Variants in ASPH observed in about 807,000 individuals in gnomAD.
ASPH encodes aspartyl/asparaginyl beta-hydroxylase.
In ASPH, 100 loss-of-function variants were observed where a neutral mutation model predicts 118.4. The ratio of observed to expected loss-of-function variants is 0.84; its 90% CI spans 0.72 to 1.00. The LOEUF is 1.00. Ranked by LOEUF, ASPH falls within the 50% of genes least tolerant of loss-of-function variation. The pLI is 0.00. For synonymous variants in ASPH, 315 were observed against 325.6 expected (o/e 0.97, Z 0.35); for missense variants, 920 against 919.5 (o/e 1.00, Z -0.01).
chr8:61,526,864 G>C (rs1409774217), intron 21 of ASPH, among the ~76,000 whole-genome samples: 1 of 152,098 alleles, frequency 6.6e-6, no homozygotes, highest in Non-Finnish European at 1.5e-5. Context: ...AGTAGGGTGG[G>C]TAGGGGAGAA....
At chr8:61,520,792 C>T (rs151069349) in intron 22 of ASPH, among the ~76,000 whole-genome samples, 1 of 152,238 alleles carries the variant, frequency 6.6e-6, no homozygotes, top group African/African-American at 2.4e-5. Flanking sequence ...CCATAGGTGG[C>T]CTGGAGTTCT....
At chr8:61,513,613 A>G (rs1809709468) in intron 24 of ASPH, among the ~76,000 whole-genome samples, 1 of 152,200 alleles carries the variant, frequency 6.6e-6, no homozygotes, top group South Asian at 2.1e-4. Context: ...CTGGCCCAAC[A>G]ATAGGCAGGT....
intron 14 of ASPH, among the ~76,000 whole-genome samples, chr8:61,616,151 G>A (rs1848943054): frequency 6.6e-6 from 1 of 152,166 alleles, no homozygotes; most frequent in East Asian, 1.9e-4. Flanking sequence ...TGACAAACCA[G>A]TCAACAGAAG....
At chr8:61,602,125 A>G (rs1249707393) in intron 14 of ASPH, among the ~76,000 whole-genome samples, 1 of 151,340 alleles carries the variant, frequency 6.6e-6, no homozygotes, top group Non-Finnish European at 1.5e-5. Flanking sequence ...ATTATTATGA[A>G]ACCAAAATCA....
At chr8:61,582,983 G>C (rs888404456) in intron 15 of ASPH, 19 of 152,084 alleles carry the variant, frequency 1.2e-4, no homozygotes. Context: ...CAAGGTAAGG[G>C]AACGAATAAC....
At position 61,503,357 on chromosome 8, in the gene ASPH, T is replaced by C; in HGVS notation, c.*2A>G. The C allele has an allele frequency of 6.2e-7, 1 of 1,601,918 alleles. No individual in the cohort carries two copies. Among genetic ancestry groups the C allele is most frequent in the Non-Finnish European group, 8.5e-7 (1 of 1,172,708 alleles). ...AGTTTCCCAAGCTTGCATGAATTCATGCTAAATTGCTGGAAGGCTGCGTCT... is the reference window on the plus strand; with the variant it reads ...AGTTTCCCAAGCTTGCATGAATTCACGCTAAATTGCTGGAAGGCTGCGTCT... On this transcript the variant is annotated 3_prime_UTR_variant, in exon 25 of 25. Transcript: ENST00000379454.
intron 3 of ASPH, chr8:61,659,404 G>T (rs1042347582): frequency 4.1e-4 from 62 of 152,182 alleles, no homozygotes; most frequent in African/African-American, 1.5e-3. Flanking sequence ...GGACACAAGA[G>T]AAGTGATACA....
intron 21 of ASPH, among the ~76,000 whole-genome samples, chr8:61,534,041 G>A (rs1489342080): frequency 2.0e-5 from 3 of 152,164 alleles, no homozygotes; most frequent in African/African-American, 4.8e-5. Flanking sequence ...TCTGCCTCCC[G>A]GGATCAAGTA....
At chr8:61,594,037 A>G (rs1841898566) in intron 14 of ASPH, among the ~76,000 whole-genome samples, 1 of 152,248 alleles carries the variant, frequency 6.6e-6, no homozygotes, top group Admixed American at 6.5e-5. Context: ...TGAAAGTAAG[A>G]AAGTCAGAAA....
chr8:61,587,654 A>G (rs1216389741), intron 14 of ASPH, among the ~76,000 whole-genome samples: 2 of 152,244 alleles, frequency 1.3e-5, no homozygotes, highest in Non-Finnish European at 2.9e-5. Flanking sequence ...CAATAACAGC[A>G]CTAAAATAGA....
At chr8:61,663,860 A>C in intron 3 of ASPH, 1 of 974,244 alleles carries the variant, frequency 1.0e-6, no homozygotes. Context: ...AAAAGGCGTT[A>C]ACCTAAGAAA....
At chr8:61,577,025 A>T (rs553091179) in intron 15 of ASPH, among the ~76,000 whole-genome samples, 167 bp from the exon 16 acceptor site, 1 of 152,340 alleles carries the variant, frequency 6.6e-6, no homozygotes, top group East Asian at 1.9e-4. Flanking sequence ...TAAGGCAAAC[A>T]GAAAACTAGT....
At chr8:61,521,822 G>T (rs549311081) in intron 22 of ASPH, among the ~76,000 whole-genome samples, 1 of 152,134 alleles carries the variant, frequency 6.6e-6, no homozygotes, top group African/African-American at 2.4e-5. Context: ...ACTTTGTGAG[G>T]GCTATTCATG....
chr8:61,635,808 G>C (rs779911594), intron 12 of ASPH, among the ~76,000 whole-genome samples: 2 of 151,952 alleles, frequency 1.3e-5, no homozygotes, highest in Non-Finnish European at 2.9e-5. Flanking sequence ...CTTATTTCAG[G>C]CTACCACAAT....
chr8:61,564,995 A>G (rs2350617), intron 17 of ASPH, among the ~76,000 whole-genome samples: 122,967 of 152,102 alleles, frequency 0.81, 50,066 homozygotes, highest in Non-Finnish European at 0.85. Context: ...CTGTTATGGG[A>G]AGAGAATTGT....
intron 21 of ASPH, among the ~76,000 whole-genome samples, chr8:61,527,578 C>T (rs530033801): frequency 3.9e-5 from 6 of 152,260 alleles, no homozygotes; most frequent in Non-Finnish European, 4.4e-5. Context: ...ATATTGTTAA[C>T]GGAAGACCAA....
chr8:61,572,337 T>A (rs574680347), intron 16 of ASPH, among the ~76,000 whole-genome samples: 3 of 152,224 alleles, frequency 2.0e-5, no homozygotes, highest in Admixed American at 1.3e-4. Context: ...GAGCTTTACT[T>A]CCTGGCATAT....
chr8:61,624,611 T>C, intron 13 of ASPH: 1 of 985,404 alleles, frequency 1.0e-6, no homozygotes, highest in South Asian at 4.7e-5. Context: ...AATCCACCGA[T>C]GTTGCACAAT....
intron 13 of ASPH, chr8:61,623,615 C>T (rs1390883476): frequency 6.6e-6 from 1 of 152,144 alleles, no homozygotes; most frequent in African/African-American, 2.4e-5. Flanking sequence ...AAATCATTGC[C>T]TAGACCAAAG....
Sources: gnomAD v4.1 joint callset for allele counts (sites outside exome capture counted in the v4.1 genomes callset) on GRCh38, gnomAD v4.1.1 for gene constraint, MANE v1.5 for transcripts, NCBI Gene and HGNC (gene_info 2026-07-23, HGNC 2026-07-21) for gene names.